CBR4: variants seen among roughly 807,000 people sequenced by gnomAD.
CBR4 encodes 3-oxoacyl-[acyl-carrier-protein] reductase.
In CBR4, 22 loss-of-function variants were observed where a neutral mutation model predicts 21.0. The observed-to-expected ratio is 1.05, with a 90% CI of 0.75 to 1.50. The LOEUF (loss-of-function observed/expected upper bound fraction) is 1.50. CBR4 is among the 40% of genes most tolerant of loss of function. CBR4 has a pLI of 0.00. For synonymous variants in CBR4, 100 were observed against 104.4 expected (o/e 0.96, Z 0.26); for missense variants, 302 against 286.3 (o/e 1.05, Z -0.40).
Position 168,922,098 on chromosome 4 carries a change from T to C in CBR4, n.170-27333A>G, listed in dbSNP as rs954499025. On this transcript the variant is annotated intron_variant and non_coding_transcript_variant, in intron 2 of 3. Coordinates refer to the CBR4 transcript ENST00000509108. ...AAAGTTTTATATTTATATATATATA[T>C]ATATACACACACACACACACACACA... Among the ~76,000 whole-genome samples the C allele has an allele frequency of 3.9e-3, 420 of 107,588 alleles. 2 individuals are homozygous for C. The highest frequency in any genetic ancestry group is 0.012 in the African/African-American group (373 of 31,922). The allele number at this position is 107,588 out of a possible 152,430, so 70.6% of individuals were successfully genotyped here.
chr4:168,916,106 G>A, intron 2 of CBR4: 1 of 1,360,810 alleles, frequency 7.3e-7, no homozygotes. Context: ...TCCTTTTGGG[G>A]AAATTACATA....
intron 2 of CBR4, among the ~76,000 whole-genome samples, chr4:168,953,447 A>G (rs1763601573): frequency 1.3e-5 from 2 of 151,788 alleles, no homozygotes; most frequent in Admixed American, 6.6e-5. Flanking sequence ...TTTTTTGGAG[A>G]CAGGGTCTCA....
intron 2 of CBR4, among the ~76,000 whole-genome samples, chr4:168,949,627 T>A (rs933805232): frequency 6.6e-6 from 1 of 152,204 alleles, no homozygotes; most frequent in Non-Finnish European, 1.5e-5. Context: ...TAATGCTGGC[T>A]TCATAGAATG....
chr4:168,990,062 CAT>C lies in CBR4; in HGVS notation c.*86_*87del, dbSNP rs897789500. On this transcript the variant is annotated 3_prime_UTR_variant, in exon 5 of 5. Coordinates refer to ENST00000306193, the MANE Select transcript of CBR4 (RefSeq NM_032783.5). ...GTAGCATCAGCAGGTTTGATTAGCA[CAT>C]GTTACCCATGTAGGTATAATTGTCT... 42 of 1,357,904 alleles carry C rather than the reference CAT, an allele frequency of 3.1e-5. No individual in the cohort carries two copies. Among genetic ancestry groups the C allele is most frequent in the Admixed American group, 5.8e-5 (2 of 34,226 alleles). 84.1% of individuals were successfully genotyped at this position (1,357,904 alleles called of 1,614,324 possible).
intron 2 of CBR4, among the ~76,000 whole-genome samples, chr4:168,938,031 C>G (rs1763160813): frequency 6.6e-6 from 1 of 152,202 alleles, no homozygotes; most frequent in African/African-American, 2.4e-5. Flanking sequence ...CACCATATCA[C>G]AGTTATTCTA....
chr4:168,967,710 G>A (rs1352556918), intron 2 of CBR4, among the ~76,000 whole-genome samples: 2 of 152,168 alleles, frequency 1.3e-5, no homozygotes, highest in Middle Eastern at 3.2e-3. Flanking sequence ...GGAGCAGGTG[G>A]ATGGGGAGTA....
Position 169,006,741 on chromosome 4 carries a change from AG to A in CBR4, c.400+13del, listed in dbSNP as rs765817053. The A allele has an allele frequency of 6.2e-7, 1 of 1,601,802 alleles. No individual in the cohort carries two copies. The highest frequency in any genetic ancestry group is 8.5e-7 in the Non-Finnish European group (1 of 1,173,008). On this transcript the variant is annotated intron_variant, in intron 3 of 4. Coordinates refer to ENST00000306193, the MANE Select transcript of CBR4 (RefSeq NM_032783.5). ...TTATGGGATAATCATAAATTCACAA[AG>A]GTGAAGACTCACCTACATTAACAAT...
chr4:168,923,816 C>T (rs927647475), intron 2 of CBR4, among the ~76,000 whole-genome samples: 3 of 152,124 alleles, frequency 2.0e-5, no homozygotes, highest in Non-Finnish European at 4.4e-5. Flanking sequence ...TCATGGCAAA[C>T]ATGGCAAACG....
chr4:168,896,656 G>C, intron 2 of CBR4: 1 of 931,762 alleles, frequency 1.1e-6, no homozygotes, highest in Non-Finnish European at 1.7e-6. Context: ...GTTTTCTTCT[G>C]TTCTTCCTGT....
intron 2 of CBR4, among the ~76,000 whole-genome samples, chr4:168,930,030 T>C (rs1762925912): frequency 6.6e-6 from 1 of 152,132 alleles, no homozygotes; most frequent in Non-Finnish European, 1.5e-5. Flanking sequence ...CACAACAGTA[T>C]AAAATACCTG....
chr4:168,990,771 G>A (rs1033492451), intron 4 of CBR4, among the ~76,000 whole-genome samples: 4 of 151,248 alleles, frequency 2.6e-5, no homozygotes, highest in Admixed American at 1.3e-4. Context: ...TAGTTTTGTT[G>A]GCCAGGTGCA....
At position 169,007,632 on chromosome 4, in the gene CBR4, C is replaced by A; in HGVS notation, c.263+4G>T. ...TAAGAAACTTATTTAAATCTGTGAC[C>A]AACCTGTTAATACCAGCTGCATTTA... On this transcript the variant is annotated splice_donor_region_variant and intron_variant, in intron 2 of 4. Coordinates refer to ENST00000306193, the MANE Select transcript of CBR4 (RefSeq NM_032783.5). 1 of 1,527,626 alleles carries A rather than the reference C, an allele frequency of 6.5e-7. No individual in the cohort carries two copies. Among genetic ancestry groups the A allele is most frequent in the South Asian group, 1.3e-5 (1 of 74,422 alleles). 94.6% of individuals were successfully genotyped at this position (1,527,626 alleles called of 1,614,324 possible).
downstream of CBR4, among the ~76,000 whole-genome samples, chr4:168,986,599 T>C (rs1764699307): frequency 6.6e-6 from 1 of 152,286 alleles, no homozygotes; most frequent in African/African-American, 2.4e-5. Context: ...GTTACATATG[T>C]AGTATGAATA....
chr4:169,010,175 C>CA lies in CBR4; in HGVS notation c.-87dup, dbSNP rs67305871. The CA allele has an allele frequency of 8.7e-3, 5,732 of 662,466 alleles. 8 individuals carry two copies. The highest frequency in any genetic ancestry group is 0.023 in the African/African-American group (1,011 of 43,982). The allele number at this position is 662,466 out of a possible 1,614,324, so 41.0% of individuals were successfully genotyped here. A position where few individuals can be genotyped will look rare whatever the true frequency, so the allele number is the denominator to read the frequency against. Reference sequence around the variant, plus strand: ...TCAGGCTTTTAAACAACCGCGGTTCCAAAAAAAAAAAAAAGAAAAAAAAAG... The same window carrying CA: ...TCAGGCTTTTAAACAACCGCGGTTCCAAAAAAAAAAAAAAAGAAAAAAAAAG... On this transcript the variant is annotated 5_prime_UTR_variant, in exon 1 of 5. Coordinates refer to ENST00000306193, the MANE Select transcript of CBR4 (RefSeq NM_032783.5).
chr4:168,922,068 T>TATATAAGCAAATATAAAGCAA (rs1657449538), intron 2 of CBR4, among the ~76,000 whole-genome samples: 2 of 149,708 alleles, frequency 1.3e-5, no homozygotes, highest in Admixed American at 1.3e-4. Context: ...AATTTGCTTA[T>TATATAAGCAAATATAAAGCAA]ATATAAAGTT....
In CBR4 at chr4:168,989,183, T is replaced by A. The variant is rs998136335; in HGVS notation, c.*967A>T. On this transcript the variant is annotated 3_prime_UTR_variant, in exon 5 of 5. Coordinates refer to ENST00000306193, the MANE Select transcript of CBR4 (RefSeq NM_032783.5). ...ACTTTCTAGAATTTTGGGATAAGAA[T>A]CATAATCACTAATGCAAAATACTCT... 3.1e-6 allele frequency: 3 copies of A among 967,652 alleles called. No individual in the cohort carries two copies. Among genetic ancestry groups the A allele is most frequent in the Admixed American group, 6.2e-5 (1 of 16,250 alleles). The allele number at this position is 967,652 out of a possible 1,614,324, so 59.9% of individuals were successfully genotyped here.
intron 4 of CBR4, 125 bp from the exon 5 acceptor site, chr4:168,990,453 T>C: frequency 1.1e-6 from 1 of 900,282 alleles, no homozygotes; most frequent in Non-Finnish European, 1.6e-6. Context: ...AAATTTTTTT[T>C]TGAGACAGGG....
intron 2 of CBR4, among the ~76,000 whole-genome samples, chr4:168,895,274 C>T (rs755584142): frequency 6.6e-5 from 10 of 152,080 alleles, no homozygotes; most frequent in East Asian, 3.9e-4. Context: ...CCCAGCTACT[C>T]GGGAAGCTGA....
At chr4:168,909,015 C>G (rs1406978223) in intron 2 of CBR4, among the ~76,000 whole-genome samples, 2 of 152,174 alleles carry the variant, frequency 1.3e-5, no homozygotes, top group Non-Finnish European at 2.9e-5. Flanking sequence ...GTGTATCACA[C>G]TCGATGTGTG....
Sources: allele counts gnomAD v4.1 joint callset (sites outside exome capture counted in the v4.1 genomes callset), GRCh38; gene constraint gnomAD v4.1.1; transcripts MANE v1.5; gene names NCBI Gene and HGNC (gene_info 2026-07-23, HGNC 2026-07-21).